The following PLXNA3 variants were observed in gnomAD, a reference collection of about 807,000 sequenced individuals.
PLXNA3 encodes the protein plexin A3, also known as plexin-A3.
In PLXNA3, 52 loss-of-function variants were observed where a neutral mutation model predicts 118.8. That is an observed-to-expected ratio of 0.44 (90% CI 0.35 to 0.55). PLXNA3 has a LOEUF of 0.55. Among genes scored for constraint, PLXNA3 ranks in the 20% least tolerant of loss-of-function variants. PLXNA3 has a pLI of 0.01. For missense variants in PLXNA3, 1,660 were observed against 1,730.8 expected (o/e 0.96, Z 0.73); for synonymous variants, 925 against 762.4 (o/e 1.21, Z -3.51).
In PLXNA3 at chrX:154,458,480, C is replaced by T. The variant is rs782098391; in HGVS notation, c.-28+52C>T. On this transcript the variant is annotated intron_variant, in intron 1 of 32. Transcript: ENST00000369682. ...GTGCGGGGCCAAACAGCTCGGGGCC[C>T]GGGGCTCCGGCAGCCCGGGGGTCCG... The T allele has an allele frequency of 8.1e-4, 90 of 111,381 alleles. 1 individual carries two copies. The South Asian group carries it at 9.9e-3, about 12-fold the overall frequency. 9.2% of individuals were successfully genotyped at this position (111,381 alleles called of 1,213,427 possible). A position where few individuals can be genotyped will look rare whatever the true frequency, so the allele number is the denominator to read the frequency against.
chrX:154,470,722 T>C (rs2069172155), intron 30 of PLXNA3, 111 bp downstream of exon 30: 1 of 760,262 alleles, frequency 1.3e-6, no homozygotes, highest in Admixed American at 2.6e-5. Context: ...CAGGAGGGAA[T>C]GAGGCCTGGC....
rs782003321 is a variant in PLXNA3, at chrX:154,464,195, G to T, written c.1710G>T (p.Ala570=). 4.8e-5 allele frequency: 58 copies of T among 1,208,477 alleles called. No homozygotes were observed. The South Asian group carries it at 1.0e-3, about 21-fold the overall frequency. ...TGCACAACGTGCCAGACCTCAGTGC[G>T]GGCGTGAGCTGCGCCTTCGAGGCGG... ...VTLHNVPDLS[A]GVSCAFEAAA... The change falls in exon 8 of 33, where the codon GCG becomes GCT. Residue 570 remains alanine (A), a synonymous_variant. Transcript: ENST00000369682.
In PLXNA3 at chrX:154,476,454, T is replaced by A; in HGVS notation, c.*3769T>A. 2.3e-5 allele frequency: 1 copy of A among 42,996 alleles called. No individual in the cohort carries two copies. Among genetic ancestry groups the A allele is most frequent in the Non-Finnish European group, 5.1e-5 (1 of 19,470 alleles). 3.5% of individuals were successfully genotyped at this position (42,996 alleles called of 1,213,427 possible). ...CCTGGGCAACAAGAGTGAAACACTG[T>A]CTCAAAAAAAAAAAAAAAAAGTGAA... On this transcript the variant is annotated 3_prime_UTR_variant, in exon 33 of 33. Transcript: ENST00000369682.
At position 154,467,052 on chromosome X, in the gene PLXNA3, C is replaced by T. The variant is rs202157423; in HGVS notation, c.3108-5C>T. 23 of 1,202,546 alleles carry T rather than the reference C, an allele frequency of 1.9e-5. No homozygotes were observed. The East Asian group carries it at 6.8e-4, about 36-fold the overall frequency. On this transcript the variant is annotated splice_polypyrimidine_tract_variant and splice_region_variant and intron_variant, in intron 17 of 32. Transcript: ENST00000369682. ...GGGAGCCTGAGGCCCCTGCCCTGTC[C>T]CTAGTGGAAGCACTGCCATCACTGT...
In PLXNA3 at chrX:154,471,519, A is replaced by G. The variant is rs782642876; in HGVS notation, c.5401A>G (p.Ile1801Val). The change falls in exon 32 of 33, where the codon ATC becomes GTC. Residue 1801 changes from isoleucine (I) to valine (V), a missense_variant. By Grantham distance (29) the Ile-to-Val change is conservative (BLOSUM62 3). Coordinates refer to ENST00000369682, the MANE Select transcript of PLXNA3 (RefSeq NM_017514.5). ...TCGAGACATTGCAAAGATGGCATCC[A>G]TCAGCGACCAGGACATGGATGCCTA... Reference protein sequence around the residue: ...YYRDIAKMASISDQDMDAYLV... With the variant: ...YYRDIAKMASVSDQDMDAYLV... The G allele has an allele frequency of 2.5e-6, 3 of 1,207,697 alleles. No individual in the cohort carries two copies. Among genetic ancestry groups the G allele is most frequent in the South Asian group, 3.5e-5 (2 of 56,877 alleles).
chrX:154,470,898 CAGG>C, intron 30 of PLXNA3: 1 of 445,559 alleles, frequency 2.2e-6, no homozygotes, highest in Non-Finnish European at 3.9e-6. Flanking sequence ...AGAGCGGTGA[CAGG>C]AGAAGCTGCG....
chrX:154,458,534 C>T (rs1557202502), intron 1 of PLXNA3, 106 bp downstream of exon 1: 2 of 112,532 alleles, frequency 1.8e-5, no homozygotes, highest in African/African-American at 3.2e-5. Context: ...AGGCCCTATC[C>T]CTGCCCGTCG....
chrX:154,469,005 G>A, intron 25 of PLXNA3, 36 bp downstream of exon 25: 10 of 1,209,875 alleles, frequency 8.3e-6, no homozygotes, highest in East Asian at 3.0e-5. Flanking sequence ...AGGTAGGGGT[G>A]CAGAGAGAGG....
Position 154,460,498 on chromosome X carries a change from G to C in PLXNA3, c.315G>C (p.Ala105=), listed in dbSNP as rs369833329. Residue 105 remains alanine, a synonymous_variant, in exon 2 of 33, where the codon GCG becomes GCC. Coordinates refer to ENST00000369682, the MANE Select transcript of PLXNA3 (RefSeq NM_017514.5). ...ACAAGCTGCTGCTCATAGACTATGC[G>C]GCCCGCCGCCTGGTGGCCTGCGGCA... ...NINKLLLIDY[A]ARRLVACGSI... 1 of 1,208,595 alleles carries C rather than the reference G, an allele frequency of 8.3e-7. No individual in the cohort carries two copies. Among genetic ancestry groups the C allele is most frequent in the African/African-American group, 1.7e-5 (1 of 57,538 alleles).
chrX:154,461,501 CG>C lies in PLXNA3; in HGVS notation c.999del (p.Gln334ArgfsTer36). The C allele has an allele frequency of 8.3e-7, 1 of 1,211,881 alleles. No individual in the cohort carries two copies. The highest frequency in any genetic ancestry group is 1.1e-6 in the Non-Finnish European group (1 of 895,412). The stretch of plus-strand genomic sequence containing the variant: ...CCAGAAGAACCGGGCCAGCCCACCC[CG>C]GCAGACCATCCTCTGCCTCTTCACC... The part of the protein sequence containing the change: ...QGQKNRASPP[R>X]QTILCLFTLS... On this transcript the variant is annotated frameshift_variant, in exon 3 of 33. Transcript: ENST00000369682. LOFTEE classifies it high-confidence loss of function.
rs1377597042 is a variant in PLXNA3 at position 154,474,964 on chromosome X, T to G, written c.*2279T>G. On this transcript the variant is annotated 3_prime_UTR_variant, in exon 33 of 33. Coordinates refer to ENST00000369682, the MANE Select transcript of PLXNA3 (RefSeq NM_017514.5). ...CACCATACCCAGCTGTTTTTTGTTT[T>G]TTTTTTTTTTCTTTAGTAGAGATGG... is the stretch of plus-strand genomic sequence containing the variant. 9.9e-6 allele frequency: 1 copy of G among 100,610 alleles called. No individual in the cohort carries two copies. Among genetic ancestry groups the G allele is most frequent in the Middle Eastern group, 4.8e-3 (1 of 208 alleles). The allele number at this position is 100,610 out of a possible 1,213,427, so 8.3% of individuals were successfully genotyped here.
chrX:154,470,873 C>T (rs1300159583), intron 30 of PLXNA3: 8 of 443,848 alleles, frequency 1.8e-5, no homozygotes, highest in Admixed American at 8.1e-5. Context: ...TGCTGGTGGT[C>T]GGTCGCAGGT....
chrX:154,466,383 C>G lies in PLXNA3; in HGVS notation c.2807C>G (p.Thr936Arg), dbSNP rs375829543. ...SEQVYSFVTPTFDQVSPSRGP... is the reference protein window; with the variant it reads ...SEQVYSFVTPRFDQVSPSRGP... ...GGGCAGCTTCTCCCGCAGACCCCAA[C>G]GTTTGACCAAGTGAGTCCCAGCCGT... is the stretch of plus-strand genomic sequence containing the variant. The change falls in exon 16 of 33, where the codon ACG becomes AGG. Residue 936 changes from threonine to arginine, a missense_variant. Coordinates refer to ENST00000369682, the MANE Select transcript of PLXNA3 (RefSeq NM_017514.5). 1 of 1,210,616 alleles carries G rather than the reference C, an allele frequency of 8.3e-7. No homozygotes were observed. The highest frequency in any genetic ancestry group is 1.1e-6 in the Non-Finnish European group (1 of 895,358).
At position 154,467,132 on chromosome X, in the gene PLXNA3, C is replaced by T. The variant is rs782401505; in HGVS notation, c.3183C>T (p.Arg1061=). The T allele has an allele frequency of 6.7e-5, 81 of 1,208,407 alleles. No individual in the cohort carries two copies. The highest frequency in any genetic ancestry group is 3.3e-4 in the East Asian group (11 of 33,761). The change falls in exon 18 of 33, where the codon CGC becomes CGT. Residue 1061 remains arginine (R), a synonymous_variant. Coordinates refer to ENST00000369682, the MANE Select transcript of PLXNA3 (RefSeq NM_017514.5). ...VQEPRVRAKY[R]GIETTNTCQV... is the part of the protein sequence containing the mutation. Reference sequence around the variant, plus strand: ...AGCCCCGGGTCCGTGCCAAGTACCGCGGCATTGAGACCACCAATGTGAGTA... The same window carrying T: ...AGCCCCGGGTCCGTGCCAAGTACCGTGGCATTGAGACCACCAATGTGAGTA...
intron 4 of PLXNA3, among the ~76,000 whole-genome samples, chrX:154,462,558 C>T (rs1433734537): frequency 1.8e-5 from 2 of 112,271 alleles, no homozygotes; most frequent in African/African-American, 6.5e-5. Context: ...GCTCTGGGGA[C>T]AGAGAACAGA....
chrX:154,470,928 A>G (rs1012597787), intron 30 of PLXNA3, 177 bp from the exon 31 acceptor site: 2 of 454,746 alleles, frequency 4.4e-6, no homozygotes, highest in South Asian at 3.2e-5. Context: ...GTTGAGCCCT[A>G]TTGAGAACAG....
At chrX:154,460,136 C>G (rs1557203102) in intron 1 of PLXNA3, 21 bp from the exon 2 acceptor site, 1 of 937,080 alleles carries the variant, frequency 1.1e-6, no homozygotes, top group Admixed American at 2.3e-5. Context: ...CCTCTGACTC[C>G]CACACACCGT....
intron 2 of PLXNA3, 77 bp from the exon 3 acceptor site, chrX:154,461,022 G>C: frequency 1.1e-6 from 1 of 916,233 alleles, no homozygotes; most frequent in Non-Finnish European, 1.5e-6. Flanking sequence ...GGAGGGGGAT[G>C]CAGAGGGAAG....
chrX:154,471,022 G>T, intron 30 of PLXNA3, 83 bp from the exon 31 acceptor site: 1 of 790,758 alleles, frequency 1.3e-6, no homozygotes. Flanking sequence ...GAGCCGGCCC[G>T]ACAGGAAAGA....
Sources: allele counts gnomAD v4.1 joint callset (sites outside exome capture counted in the v4.1 genomes callset), GRCh38; gene constraint gnomAD v4.1.1; transcripts MANE v1.5; gene names NCBI Gene and HGNC (gene_info 2026-07-23, HGNC 2026-07-21).